Variants in PSMD13 observed in about 807,000 individuals in gnomAD.
PSMD13 encodes the protein 26S proteasome non-ATPase regulatory subunit 13.
In PSMD13, 8 loss-of-function variants were observed where a neutral mutation model predicts 57.4. The ratio of observed to expected loss-of-function variants is 0.14; its 90% confidence interval spans 0.08 to 0.25. The LOEUF is 0.25. Ranked by LOEUF, PSMD13 falls within the 10% of genes least tolerant of loss-of-function variation. The pLI is 1.00. For missense variants in PSMD13, 400 were observed against 461.5 expected (o/e 0.87, Z 1.22); for synonymous variants, 193 against 168.2 (o/e 1.15, Z -1.14).
chr11:243,210 C>T (rs971725945), intron 2 of PSMD13: 24 of 610,056 alleles, frequency 3.9e-5, no homozygotes, highest in Admixed American at 3.1e-4. Context: ...ATGCTGCACA[C>T]AACATTACTG....
In PSMD13 at chr11:248,987, A is replaced by G; in HGVS notation, c.704A>G (p.Asp235Gly). 1.9e-6 allele frequency: 3 copies of G among 1,614,100 alleles called. No individual in the cohort carries two copies. The highest frequency in any genetic ancestry group is 2.2e-5 in the East Asian group (1 of 44,882). Reference sequence around the variant, plus strand: ...AATACTGACCGGCAGTGGCTGATTGACACCCTCTATGCCTTCAACAGTGGC... The same window carrying G: ...AATACTGACCGGCAGTGGCTGATTGGCACCCTCTATGCCTTCAACAGTGGC... ...LRNTDRQWLI[D>G]TLYAFNSGNV... Residue 235 changes from aspartate (D) to glycine (G), a missense_variant, in exon 9 of 13, where the codon GAC becomes GGC. Physicochemically the swap from Asp to Gly is moderately conservative, Grantham distance 94. Coordinates refer to ENST00000532097, the MANE Select transcript of PSMD13 (RefSeq NM_002817.4).
At chr11:248,350 A>C (rs1859699445) in intron 7 of PSMD13, among the ~76,000 whole-genome samples, 1 of 152,228 alleles carries the variant, frequency 6.6e-6, no homozygotes, top group Admixed American at 6.5e-5. Flanking sequence ...ACTGTATGTC[A>C]AGAAAAATAT....
Position 237,070 on chromosome 11 carries a change from C to G in PSMD13, c.21C>G (p.Phe7Leu), listed in dbSNP as rs1200438504. The change falls in exon 1 of 13, where the codon TTC becomes TTG. Residue 7 changes from phenylalanine to leucine, a missense_variant. Transcript: ENST00000532097. Reference protein sequence around the residue: MKDVPGFLQQSQNSGPG... With the variant: MKDVPGLLQQSQNSGPG... Reference sequence around the variant, plus strand: ...CTGTCATGAAGGACGTACCGGGCTTCCTACAGCAGAGCCAGAACTCCGGGC... The same window carrying G: ...CTGTCATGAAGGACGTACCGGGCTTGCTACAGCAGAGCCAGAACTCCGGGC... 6.2e-7 allele frequency: 1 copy of G among 1,613,974 alleles called. No individual in the cohort carries two copies. The highest frequency in any genetic ancestry group is 1.3e-5 in the African/African-American group (1 of 75,064).
Position 249,026 on chromosome 11 carries a change from T to C in PSMD13, c.743T>C (p.Phe248Ser). ...TTCAACAGTGGCAACGTAGAGCGGTTCCAGACTCTGAAGACTGCCTGGGGC... is the reference window on the plus strand; with the variant it reads ...TTCAACAGTGGCAACGTAGAGCGGTCCCAGACTCTGAAGACTGCCTGGGGC... ...YAFNSGNVER[F>S]QTLKTAWGQQ... is the part of the protein sequence containing the mutation. The change falls in exon 9 of 13, where the codon TTC becomes TCC. Residue 248 changes from phenylalanine to serine, a missense_variant. Coordinates refer to ENST00000532097, the MANE Select transcript of PSMD13 (RefSeq NM_002817.4). 6.2e-7 allele frequency: 1 copy of C among 1,613,652 alleles called. No individual in the cohort carries two copies. The highest frequency in any genetic ancestry group is 8.5e-7 in the Non-Finnish European group (1 of 1,180,024).
intron 6 of PSMD13, among the ~76,000 whole-genome samples, chr11:245,558 T>C (rs926869095): frequency 3.3e-5 from 5 of 152,162 alleles, no homozygotes; most frequent in African/African-American, 4.8e-5. Flanking sequence ...TGTTCAATTA[T>C]GTTTTGGTGC....
intron 6 of PSMD13, among the ~76,000 whole-genome samples, chr11:245,530 A>ATT (rs1182797157): frequency 1.3e-5 from 2 of 151,952 alleles, no homozygotes; most frequent in Non-Finnish European, 2.9e-5. Flanking sequence ...TATCCTGTCT[A>ATT]TTTTTATGTC....
intron 6 of PSMD13, among the ~76,000 whole-genome samples, chr11:245,695 CGTGTGTTTGT>C (rs67871996): frequency 0.45 from 57,590 of 127,072 alleles, 12,352 homozygotes; most frequent in Admixed American, 0.5. Context: ...CATGTGTGTT[CGTGTGTTTGT>C]GTGTGTTTGT....
intron 1 of PSMD13, 90 bp from the exon 2 acceptor site, chr11:238,908 C>T: frequency 1.6e-6 from 2 of 1,245,330 alleles, no homozygotes; most frequent in East Asian, 4.7e-5. Context: ...GATACCCAAC[C>T]TGTATTTGTG....
In PSMD13 at chr11:237,112, G is replaced by A. The variant is rs764693707; in HGVS notation, c.63G>A (p.Val21=). The A allele has an allele frequency of 8.1e-6, 13 of 1,611,854 alleles. No individual in the cohort carries two copies. In the East Asian group the frequency reaches 1.6e-4, roughly 19 times the overall value. ...SQNSGPGQPA[V]WHRLEELYTK... ...ACTCCGGGCCCGGGCAGCCCGCTGTGTGGCACCGTCTGGAGGAGCTCTACA... is the reference window on the plus strand; with the variant it reads ...ACTCCGGGCCCGGGCAGCCCGCTGTATGGCACCGTCTGGAGGAGCTCTACA... The change falls in exon 1 of 13, where the codon GTG becomes GTA. Residue 21 remains valine (V), a synonymous_variant. Coordinates refer to ENST00000532097, the MANE Select transcript of PSMD13 (RefSeq NM_002817.4).
chr11:252,233 C>A lies in PSMD13; in HGVS notation c.1036-272C>A. Reference sequence around the variant, plus strand: ...CGTTCCTGGTTCTGTGATTTGAGCTCACGTCGCTCTTACATTTGCTGGAAA... The same window carrying A: ...CGTTCCTGGTTCTGTGATTTGAGCTAACGTCGCTCTTACATTTGCTGGAAA... On this transcript the variant is annotated intron_variant, in intron 12 of 12. Coordinates refer to ENST00000532097, the MANE Select transcript of PSMD13 (RefSeq NM_002817.4). This position sits in a 1 kb window ranked among gnomAD's most constrained non-coding sequence, Gnocchi z 4.1. The A allele has an allele frequency of 2.0e-6, 1 of 512,504 alleles. No homozygotes were observed. Among genetic ancestry groups the A allele is most frequent in the Non-Finnish European group, 3.5e-6 (1 of 283,544 alleles). The allele number at this position is 512,504 out of a possible 1,614,324, so 31.7% of individuals were successfully genotyped here. A position where few individuals can be genotyped will look rare whatever the true frequency, so the allele number is the denominator to read the frequency against.
intron 2 of PSMD13, among the ~76,000 whole-genome samples, chr11:241,024 G>T (rs1280102309): frequency 6.6e-6 from 1 of 151,912 alleles, no homozygotes; most frequent in Non-Finnish European, 1.5e-5. Context: ...TAGAGACAGG[G>T]TTTCATCATG....
intron 2 of PSMD13, chr11:243,156 C>G: frequency 1.6e-6 from 1 of 621,710 alleles, no homozygotes; most frequent in Non-Finnish European, 3.1e-6. Flanking sequence ...TTGGTCACCA[C>G]CTCCTGTTTT....
rs753128654 is a variant in PSMD13, at chr11:251,968, G to C, written c.1035+32G>C. 1 of 1,585,000 alleles carries C rather than the reference G, an allele frequency of 6.3e-7. No individual in the cohort carries two copies. The stretch of plus-strand genomic sequence containing the variant: ...TGTTTGAAACCCATTATTCACCTCT[G>C]TGGATTTTGAGGGGTTGTGTCTATA... On this transcript the variant is annotated intron_variant, in intron 12 of 12. Transcript: ENST00000532097. This position sits in a 1 kb window ranked among gnomAD's most constrained non-coding sequence, Gnocchi z 4.6.
chr11:242,228 C>T (rs2133984887), intron 2 of PSMD13, among the ~76,000 whole-genome samples: 1 of 148,782 alleles, frequency 6.7e-6, no homozygotes, highest in South Asian at 2.2e-4. Context: ...CTTGAAGACA[C>T]ATCATTTGTC....
rs1859460776 is a variant in PSMD13 at position 239,020 on chromosome 11, C to G, written c.118C>G (p.Gln40Glu). The G allele has an allele frequency of 6.2e-7, 1 of 1,614,172 alleles. No individual in the cohort carries two copies. Among genetic ancestry groups the G allele is most frequent in the Non-Finnish European group, 8.5e-7 (1 of 1,180,022 alleles). Residue 40 changes from glutamine (Q) to glutamate (E), a missense_variant, in exon 2 of 13, where the codon CAG becomes GAG. Transcript: ENST00000532097. ...TKKLWHQLTL[Q>E]VLDFVQDPCF... ...CAGGTTGTGGCATCAGCTGACACTTCAGGTGCTTGATTTTGTGCAGGATCC... is the reference window on the plus strand; with the variant it reads ...CAGGTTGTGGCATCAGCTGACACTTGAGGTGCTTGATTTTGTGCAGGATCC...
chr11:243,045 C>T (rs1859551011), intron 2 of PSMD13: 2 of 341,576 alleles, frequency 5.9e-6, no homozygotes, highest in Admixed American at 7.5e-5. Context: ...CCACCCACCT[C>T]TGCCTCCCAA....
At chr11:247,527 G>C in intron 7 of PSMD13, 79 bp downstream of exon 7, 1 of 1,499,458 alleles carries the variant, frequency 6.7e-7, no homozygotes, top group South Asian at 1.3e-5. Context: ...TGAGGTGACA[G>C]TTCTCAGAAA....
chr11:236,983 T>C lies in PSMD13; in HGVS notation c.-67T>C. ...TCGGCGCCGGAAGTGAGTGAGCATT[T>C]CCGGCAGCCATCCCCGCGGTGCTGA... On this transcript the variant is annotated 5_prime_UTR_variant, in exon 1 of 13. Coordinates refer to ENST00000532097, the MANE Select transcript of PSMD13 (RefSeq NM_002817.4). The C allele has an allele frequency of 7.2e-7, 1 of 1,386,120 alleles. No individual in the cohort carries two copies. The highest frequency in any genetic ancestry group is 1.0e-6 in the Non-Finnish European group (1 of 982,858). The allele number at this position is 1,386,120 out of a possible 1,614,324, so 85.9% of individuals were successfully genotyped here.
chr11:246,159 A>G (rs1276457054), intron 6 of PSMD13, among the ~76,000 whole-genome samples: 1 of 152,172 alleles, frequency 6.6e-6, no homozygotes, highest in Non-Finnish European at 1.5e-5. Context: ...TTACTCCTAT[A>G]CGGTATTTCA....
Sources: gnomAD v4.1 joint callset for allele counts (sites outside exome capture counted in the v4.1 genomes callset) on GRCh38, gnomAD v4.1.1 for gene constraint, Gnocchi (gnomAD v3.1) non-coding constraint, MANE v1.5 for transcripts, NCBI Gene and HGNC (gene_info 2026-07-23, HGNC 2026-07-21) for gene names.